POLR1A: variants seen among roughly 807,000 people sequenced by gnomAD.
POLR1A encodes RNA polymerase I subunit A, also known as DNA-directed RNA polymerase I subunit RPA1.
Under a neutral mutation model 205.3 loss-of-function variants are expected in POLR1A, and 84 were observed. The ratio of observed to expected loss-of-function variants is 0.41; its 90% CI spans 0.34 to 0.49. The LOEUF (loss-of-function observed/expected upper bound fraction) is 0.49, where lower values mean the gene tolerates loss of function less well. Ranked by LOEUF, POLR1A falls within the 20% of genes least tolerant of loss-of-function variation. The pLI, the probability that POLR1A is intolerant of heterozygous loss-of-function variation, is 0.22. For synonymous variants in POLR1A, 799 were observed against 863.7 expected (o/e 0.93, Z 1.31); for missense variants, 1,645 against 2,204.5 (o/e 0.75, Z 5.08).
chr2:86,041,286 G>A (rs1402503320), intron 24 of POLR1A, among the ~76,000 whole-genome samples: 1 of 149,776 alleles, frequency 6.7e-6, no homozygotes, highest in Non-Finnish European at 1.5e-5. Flanking sequence ...CAGTGTCTGT[G>A]TGTGTGTGTG....
At chr2:86,099,014 T>C (rs899457041) in intron 2 of POLR1A, among the ~76,000 whole-genome samples, 2 of 152,108 alleles carry the variant, frequency 1.3e-5, no homozygotes, top group Non-Finnish European at 2.9e-5. Flanking sequence ...GGTAGAAAAA[T>C]ATCTTTATTT....
At chr2:86,027,738 G>C in intron 33 of POLR1A, 147 bp downstream of exon 33, 3 of 920,532 alleles carry the variant, frequency 3.3e-6, no homozygotes, top group Non-Finnish European at 5.1e-6. Context: ...CGTGTCTGCT[G>C]TTCAGCCCCC....
intron 14 of POLR1A, among the ~76,000 whole-genome samples, chr2:86,056,695 A>G (rs1672904830): frequency 6.6e-6 from 1 of 152,048 alleles, no homozygotes; most frequent in Non-Finnish European, 1.5e-5. Context: ...ACCAGTGAAC[A>G]TTTACCATTG....
At chr2:86,047,424 A>G (rs1417901193) in intron 18 of POLR1A, among the ~76,000 whole-genome samples, 161 bp from the exon 19 acceptor site, 1 of 152,174 alleles carries the variant, frequency 6.6e-6, no homozygotes, top group Non-Finnish European at 1.5e-5. Context: ...TTCAGCATTA[A>G]TCCTTCCCTG....
At chr2:86,049,087 G>GA (rs1491034871) in intron 17 of POLR1A, 45 bp from the exon 18 acceptor site, 3 of 1,612,958 alleles carry the variant, frequency 1.9e-6, no homozygotes, top group African/African-American at 1.3e-5. Context: ...GCCAAACGAC[G>GA]AGAGTGTGGG....
Position 86,043,203 on chromosome 2 carries a change from A to G in POLR1A, c.3136-8T>C, listed in dbSNP as rs779127006. On this transcript the variant is annotated splice_polypyrimidine_tract_variant and splice_region_variant and intron_variant, in intron 22 of 33. Transcript: ENST00000263857. ...CTGTGATTTCATTATCACCTAAACAAACAAACAAAAAAACAAACAAACAAA... is the reference window on the plus strand; with the variant it reads ...CTGTGATTTCATTATCACCTAAACAGACAAACAAAAAAACAAACAAACAAA... 9 of 1,600,642 alleles carry G rather than the reference A, an allele frequency of 5.6e-6. No homozygotes were observed. In the East Asian group the frequency reaches 1.3e-4, roughly 24 times the overall value.
At chr2:86,038,879 G>T (rs748434362) in intron 26 of POLR1A, 22 bp from the exon 27 acceptor site, 1 of 1,613,118 alleles carries the variant, frequency 6.2e-7, no homozygotes, top group South Asian at 1.1e-5. Flanking sequence ...CGGACAGAGA[G>T]AACTTGACTT....
At chr2:86,100,283 T>A in intron 1 of POLR1A, 111 bp from the exon 2 acceptor site, 1 of 779,994 alleles carries the variant, frequency 1.3e-6, no homozygotes, top group Admixed American at 2.2e-5. Flanking sequence ...GCTTGATAGC[T>A]CTGGAGGGCA....
At chr2:86,045,181 C>T in intron 21 of POLR1A, 97 bp downstream of exon 21, 1 of 835,086 alleles carries the variant, frequency 1.2e-6, no homozygotes, top group Non-Finnish European at 2.0e-6. Flanking sequence ...GTTTTTTCAT[C>T]CAAGGAATCT....
Position 86,033,661 on chromosome 2 carries a change from C to T in POLR1A, c.4161G>A (p.Arg1387=). ...LDNAGELGRS[R]GEQEGDEEEE... Reference sequence around the variant, plus strand: ...TAGTGACCCCCGGGGACTCACTCACCCGACTCCTCCCCAACTCCCCAGCGT... The same window carrying T: ...TAGTGACCCCCGGGGACTCACTCACTCGACTCCTCCCCAACTCCCCAGCGT... Residue 1387 remains arginine, a splice_region_variant and synonymous_variant, in exon 28 of 34, where the codon CGG becomes CGA. Coordinates refer to ENST00000263857, the MANE Select transcript of POLR1A (RefSeq NM_015425.6). The T allele has an allele frequency of 1.2e-6, 2 of 1,612,998 alleles. No homozygotes were observed. Among genetic ancestry groups the T allele is most frequent in the Non-Finnish European group, 8.5e-7 (1 of 1,179,772 alleles).
chr2:86,045,781 G>A lies in POLR1A; in HGVS notation c.2734-12C>T, dbSNP rs776044173. 6.2e-7 allele frequency: 1 copy of A among 1,600,784 alleles called. No homozygotes were observed. Among genetic ancestry groups the A allele is most frequent in the South Asian group, 1.1e-5 (1 of 88,548 alleles). ...AGCAGGCACGAGATCTGGAGGACAG[G>A]AAATCCACAGGAAACTGAAGATCCA... is the stretch of plus-strand genomic sequence containing the variant. On this transcript the variant is annotated splice_polypyrimidine_tract_variant and intron_variant, in intron 19 of 33. Transcript: ENST00000263857.
intron 33 of POLR1A, 59 bp downstream of exon 33, chr2:86,027,826 G>C (rs1199829975): frequency 6.4e-7 from 1 of 1,564,704 alleles, no homozygotes; most frequent in African/African-American, 1.4e-5. Context: ...CCATGGGTGA[G>C]CCCGTGTGCC....
intron 31 of POLR1A, among the ~76,000 whole-genome samples, chr2:86,029,825 C>T (rs1421482397): frequency 6.6e-6 from 1 of 151,948 alleles, no homozygotes; most frequent in African/African-American, 2.4e-5. Flanking sequence ...TGGTCTTGAT[C>T]TCCTGACCTC....
At chr2:86,071,672 C>A (rs573195736) in intron 12 of POLR1A, among the ~76,000 whole-genome samples, 29 of 152,338 alleles carry the variant, frequency 1.9e-4, no homozygotes, top group South Asian at 1.2e-3. Flanking sequence ...ACTTTTCCCC[C>A]CTTATAAATA....
At chr2:86,103,837 G>A (rs995125368) in intron 1 of POLR1A, among the ~76,000 whole-genome samples, 3 of 152,194 alleles carry the variant, frequency 2.0e-5, no homozygotes, top group Non-Finnish European at 4.4e-5. Flanking sequence ...AAACAAGGGA[G>A]GTGAACTGAG....
At chr2:86,030,441 C>A in intron 30 of POLR1A, 45 bp from the exon 31 acceptor site, 1 of 1,393,466 alleles carries the variant, frequency 7.2e-7, no homozygotes, top group South Asian at 1.2e-5. Context: ...CTACTCCAGT[C>A]CCCACAAAGA....
chr2:86,033,646 C>T lies in POLR1A; in HGVS notation c.4161+15G>A, dbSNP rs759892427. On this transcript the variant is annotated intron_variant, in intron 28 of 33. Transcript: ENST00000263857. ...GTCCCTGTGCAACTCTAGTGACCCCCGGGGACTCACTCACCCGACTCCTCC... is the reference window on the plus strand; with the variant it reads ...GTCCCTGTGCAACTCTAGTGACCCCTGGGGACTCACTCACCCGACTCCTCC... 16 of 1,611,772 alleles carry T rather than the reference C, an allele frequency of 9.9e-6. No individual in the cohort carries two copies. In the East Asian group the frequency reaches 1.1e-4, roughly 11 times the overall value.
rs1035407936 is a variant in POLR1A at position 86,088,886 on chromosome 2, A to T, written c.541-16T>A. 1 of 1,584,324 alleles carries T rather than the reference A, an allele frequency of 6.3e-7. No homozygotes were observed. The highest frequency in any genetic ancestry group is 1.3e-5 in the African/African-American group (1 of 74,198). On this transcript the variant is annotated splice_polypyrimidine_tract_variant and intron_variant, in intron 4 of 33. Coordinates refer to ENST00000263857, the MANE Select transcript of POLR1A (RefSeq NM_015425.6). ...CGTTCTTTACCTGTTTTTTTAAAAA[A>T]AGTCAGAGAACCTTGGAGTGCCATT...
intron 27 of POLR1A, among the ~76,000 whole-genome samples, chr2:86,034,288 C>A (rs77831904): frequency 0.012 from 1,869 of 152,316 alleles, 49 homozygotes; most frequent in African/African-American, 0.043. Context: ...CTGCCCACAA[C>A]CTGCAGCATC....
Sources: allele counts gnomAD v4.1 joint callset (sites outside exome capture counted in the v4.1 genomes callset), GRCh38; gene constraint gnomAD v4.1.1; transcripts MANE v1.5; gene names NCBI Gene and HGNC (gene_info 2026-07-23, HGNC 2026-07-21).